Variants in POM121 observed in about 807,000 individuals in gnomAD.
POM121 encodes nuclear envelope pore membrane protein POM 121.
POM121 carries 32 observed loss-of-function variants against 81.3 expected under a neutral mutation model. That is an observed-to-expected ratio of 0.39 (90% CI 0.30 to 0.53). The LOEUF (loss-of-function observed/expected upper bound fraction) is 0.53, where lower values mean the gene tolerates loss of function less well. Among genes scored for constraint, POM121 ranks in the 20% least tolerant of loss-of-function variants. The probability of loss-of-function intolerance (pLI) is 0.66; values close to 1 mark genes in which losing one functional copy is unlikely to be tolerated. For synonymous variants in POM121, 514 were observed against 694.2 expected, an observed-to-expected ratio of 0.74 and a Z score of 4.08; for missense variants, 1,138 against 1,614.6, an observed-to-expected ratio of 0.70 and a Z score of 5.06.
At chr7:72,886,439 G>T (rs755594762) in intron 1 of POM121, among the ~76,000 whole-genome samples, 56 of 152,198 alleles carry the variant, frequency 3.7e-4, no homozygotes, top group Admixed American at 7.2e-4. Context: ...CGCCCAAAGT[G>T]CTGGGATTAC....
chr7:72,926,378 A>G lies in POM121; in HGVS notation c.761A>G (p.His254Arg), dbSNP rs782181495. 4.3e-6 allele frequency: 7 copies of G among 1,613,846 alleles called. No homozygotes were observed. The South Asian group carries it at 7.7e-5, about 18-fold the overall frequency. ...VLPTVCWNGY[H>R]KKAVLSPRNS... ...CCCACCGTGTGCTGGAATGGTTATCACAAGAAGGCTGTGCTGTCCCCTCGC... is the reference window on the plus strand; with the variant it reads ...CCCACCGTGTGCTGGAATGGTTATCGCAAGAAGGCTGTGCTGTCCCCTCGC... The change falls in exon 2 of 13, where the codon CAC (histidine) becomes CGC (arginine). Residue 254 changes from histidine (H) to arginine (R), a missense_variant. By Grantham distance (29) the His-to-Arg change is conservative (BLOSUM62 0). Coordinates refer to ENST00000434423, the MANE Select transcript of POM121 (RefSeq NM_001387691.1).
chr7:72,895,638 G>T (rs1412973002), intron 3 of POM121, among the ~76,000 whole-genome samples: 2 of 152,184 alleles, frequency 1.3e-5, no homozygotes, highest in African/African-American at 2.4e-5. Flanking sequence ...ATATCATTTA[G>T]GCCGGGCGCA....
chr7:72,897,397 G>T (rs1554491865), intron 3 of POM121, among the ~76,000 whole-genome samples: 1 of 152,158 alleles, frequency 6.6e-6, no homozygotes, highest in Non-Finnish European at 1.5e-5. Flanking sequence ...AGCCAATGAG[G>T]CTGGAGTGAA....
chr7:72,929,824 A>G, intron 4 of POM121, 116 bp from the exon 5 acceptor site: 1 of 1,364,792 alleles, frequency 7.3e-7, no homozygotes, highest in Non-Finnish European at 9.5e-7. Context: ...AGCAGTAAAA[A>G]TTAAAAGCAT....
chr7:72,894,639 G>GAGAA (rs782717443), intron 3 of POM121, among the ~76,000 whole-genome samples: 4,268 of 118,606 alleles, frequency 0.036, 418 homozygotes, highest in African/African-American at 0.098. Flanking sequence ...GAGAGAGAGA[G>GAGAA]AGAGAGAGAG....
chr7:72,931,708 C>A (rs1796040297), intron 5 of POM121, among the ~76,000 whole-genome samples: 2 of 151,822 alleles, frequency 1.3e-5, no homozygotes, highest in Admixed American at 1.3e-4. Context: ...GTAGTTGAGA[C>A]TATAGGTGCC....
At chr7:72,906,384 G>A (rs1428510202) in intron 3 of POM121, among the ~76,000 whole-genome samples, 3 of 152,214 alleles carry the variant, frequency 2.0e-5, no homozygotes, top group African/African-American at 7.2e-5. Flanking sequence ...CAGCTGCTTC[G>A]GGAACTCAGG....
At chr7:72,894,687 C>T (rs1281652347) in intron 3 of POM121, among the ~76,000 whole-genome samples, 58 of 125,948 alleles carry the variant, frequency 4.6e-4, no homozygotes, top group Non-Finnish European at 6.5e-4. Context: ...GAGAGATCTC[C>T]GTCCCTGTCG....
At chr7:72,881,230 A>C (rs1424704358) in intron 1 of POM121, among the ~76,000 whole-genome samples, 4 of 151,820 alleles carry the variant, frequency 2.6e-5, no homozygotes, top group African/African-American at 9.7e-5. Flanking sequence ...ATGCCTGGCT[A>C]ATTTTTTTGT....
In POM121 at chr7:72,925,708, A is replaced by T. The variant is rs1286822057; in HGVS notation, c.587A>T (p.His196Leu). 1.8e-5 allele frequency: 19 copies of T among 1,028,268 alleles called. No individual in the cohort carries two copies. The highest frequency in any genetic ancestry group is 2.4e-5 in the African/African-American group (1 of 41,694). 63.7% of individuals were successfully genotyped at this position (1,028,268 alleles called of 1,614,324 possible). Residue 196 changes from histidine to leucine, a missense_variant, in exon 1 of 13, where the codon CAC (histidine) becomes CTC (leucine). His to Leu is a moderately conservative substitution (Grantham distance 99). This residue lies in a region of POM121 where 646 missense variants were observed against 633.5 expected (regional missense o/e 1.02). Coordinates refer to ENST00000434423, the MANE Select transcript of POM121 (RefSeq NM_001387691.1). ...TCCCCGCCGACCCATCGCGCTCACC[A>T]CGTTTACCCCTCTCTGCCCACTCCT... ...PPSPPTHRAH[H>L]VYPSLPTPLL...
At position 72,902,914 on chromosome 7, in the gene POM121, A is replaced by G. The variant is rs138462956; in HGVS notation, c.-215-10851A>G. 6.8e-3 allele frequency among the ~76,000 whole-genome samples: 1,037 copies of G among 152,134 alleles called. 15 individuals carry two copies. The highest frequency in any genetic ancestry group is 0.024 in the African/African-American group (1,010 of 41,488). Reference sequence around the variant, plus strand: ...CCTTGTATCCTTTAACTCTTTATTCATCGTTTCTTTTAGCTTTTTGAGCAG... The same window carrying G: ...CCTTGTATCCTTTAACTCTTTATTCGTCGTTTCTTTTAGCTTTTTGAGCAG... On this transcript the variant is annotated intron_variant, in intron 3 of 15. Coordinates refer to the POM121 transcript ENST00000395270.
rs1461915066 is a variant in POM121, at chr7:72,945,335, G to C, written c.3530-251G>C. ...GCGATGGTCAGGAGGCCCACGAGGT[G>C]GCTGCGGGGCAGGGGGGCTTTTTCT... On this transcript the variant is annotated intron_variant, in intron 11 of 12. Coordinates refer to ENST00000434423, the MANE Select transcript of POM121 (RefSeq NM_001387691.1). Among the ~76,000 whole-genome samples, 4 of 151,814 alleles carry C rather than the reference G, an allele frequency of 2.6e-5. No individual in the cohort carries two copies. In the East Asian group the frequency reaches 5.8e-4, roughly 22 times the overall value.
rs531690539 is a variant in POM121 at position 72,925,632 on chromosome 7, GCGCCGCGCTCCCCAC to G, written c.540_554del (p.Arg183_Pro187del). 117,196 of 1,260,910 alleles carry G rather than the reference GCGCCGCGCTCCCCAC, an allele frequency of 0.093. 5,701 individuals carry two copies. Among genetic ancestry groups the G allele is most frequent in the Middle Eastern group, 0.1 (340 of 3,240 alleles). The allele number at this position is 1,260,910 out of a possible 1,614,324, so 78.1% of individuals were successfully genotyped here. Reference sequence around the variant, plus strand: ...TGGCCGCCGCCCACCTGCCCGCCCGGCGCCGCGCTCCCCACCGCCGCGCTCCCCACCGCCGCGCTC... The same window carrying G: ...TGGCCGCCGCCCACCTGCCCGCCCGGCGCCGCGCTCCCCACCGCCGCGCTC... On this transcript the variant is annotated inframe_deletion, in exon 1 of 13. Transcript: ENST00000434423.
rs1554497245 is a variant in POM121 at position 72,925,765 on chromosome 7, G to C, written c.644G>C (p.Arg215Pro). The change falls in exon 1 of 13, where the codon CGG becomes CCG. Residue 215 changes from arginine to proline, a missense_variant and splice_region_variant. This residue lies in a region of POM121 where 646 missense variants were observed against 633.5 expected (regional missense o/e 1.02). Coordinates refer to ENST00000434423, the MANE Select transcript of POM121 (RefSeq NM_001387691.1). ...LLRPSRRPSP[R>P]DCGTLPNRFV... ...CGACCCTCCAGGAGGCCTTCCCCAC[G>C]GTAAGATGCGCTGATTTTGTCAGAT... 2 of 1,224,144 alleles carry C rather than the reference G, an allele frequency of 1.6e-6. No homozygotes were observed. The highest frequency in any genetic ancestry group is 2.0e-6 in the Non-Finnish European group (2 of 979,238). 75.8% of individuals were successfully genotyped at this position (1,224,144 alleles called of 1,614,324 possible).
At chr7:72,913,417 T>C (rs1433211944) in intron 3 of POM121, among the ~76,000 whole-genome samples, 1 of 152,200 alleles carries the variant, frequency 6.6e-6, no homozygotes, top group Admixed American at 6.5e-5. Context: ...CTGGATAAGA[T>C]TGGGCAGATT....
At chr7:72,910,010 G>C (rs1250273545) in intron 3 of POM121, among the ~76,000 whole-genome samples, 2 of 152,178 alleles carry the variant, frequency 1.3e-5, no homozygotes, top group African/African-American at 4.8e-5. Flanking sequence ...AGCTTTTGCT[G>C]TGTTGATCCT....
intron 3 of POM121, among the ~76,000 whole-genome samples, chr7:72,892,945 C>T (rs1483762789): frequency 3.3e-5 from 5 of 151,828 alleles, no homozygotes; most frequent in Non-Finnish European, 7.4e-5. Flanking sequence ...GATTACAGGC[C>T]TGAGCCACTG....
chr7:72,915,915 C>T lies in POM121; in HGVS notation c.-152+2087C>T, dbSNP rs184353608. On this transcript the variant is annotated intron_variant, in intron 4 of 15. Transcript: ENST00000395270. ...GAACTCCTGAGCTCAGGTGATCCACCCACCTTGGCCTCCCAAAGTGTTGGG... is the reference window on the plus strand; with the variant it reads ...GAACTCCTGAGCTCAGGTGATCCACTCACCTTGGCCTCCCAAAGTGTTGGG... Among the ~76,000 whole-genome samples the T allele has an allele frequency of 1.2e-3, 178 of 152,248 alleles. 1 individual carries two copies. Among genetic ancestry groups the T allele is most frequent in the Admixed American group, 0.012 (178 of 15,298 alleles).
chr7:72,949,240 C>T (rs1797917193), downstream of POM121: 31 of 834,222 alleles, frequency 3.7e-5, no homozygotes, highest in South Asian at 4.0e-4. Context: ...GAACTAAGAC[C>T]AAAACAGATG....
Sources: gnomAD v4.1 joint callset for allele counts (sites outside exome capture counted in the v4.1 genomes callset) on GRCh38, gnomAD v4.1.1 for gene constraint, gnomAD v4.1.1 regional missense constraint, MANE v1.5 for transcripts, NCBI Gene and HGNC (gene_info 2026-07-23, HGNC 2026-07-21) for gene names.